EVC: variants seen among roughly 807,000 people sequenced by gnomAD.
EVC encodes evC complex member EVC.
EVC carries 116 observed loss-of-function variants against 118.9 expected under a neutral mutation model. The observed-to-expected ratio is 0.98, with a 90% confidence interval of 0.84 to 1.14. The LOEUF (loss-of-function observed/expected upper bound fraction) is 1.14, where lower values mean the gene tolerates loss of function less well. Ranked by LOEUF, EVC falls within the 50% of genes most tolerant of loss-of-function variation. The probability of loss-of-function intolerance (pLI) is 0.00; values close to 1 mark genes in which losing one functional copy is unlikely to be tolerated. For synonymous variants in EVC, 619 were observed against 534.7 expected, an observed-to-expected ratio of 1.16 and a Z score of -2.18; for missense variants, 1,401 against 1,246.4, an observed-to-expected ratio of 1.12 and a Z score of -1.87.
chr4:5,809,584 CTG>C lies in EVC; in HGVS notation c.2757_2758del (p.Leu920AlafsTer3). 2 of 1,614,222 alleles carry C rather than the reference CTG, an allele frequency of 1.2e-6. No homozygotes were observed. Among genetic ancestry groups the C allele is most frequent in the Non-Finnish European group, 1.7e-6 (2 of 1,180,048 alleles). ...CCGAGTGCCCCTTGCTGAAAGCAAA[CTG>C]TTGCCTGCTAAGCGTGGGCTGCTAG... ...LARVPLAESK[L>X]LPAKRGLLEK... On this transcript the variant is annotated frameshift_variant, in exon 19 of 21. Coordinates refer to ENST00000264956, the MANE Select transcript of EVC (RefSeq NM_153717.3). LOFTEE classifies it high-confidence loss of function.
chr4:5,816,020 C>T (rs553680489), downstream of EVC, among the ~76,000 whole-genome samples: 18 of 152,224 alleles, frequency 1.2e-4, no homozygotes, highest in South Asian at 1.0e-3. Context: ...CTATTTTCCC[C>T]CCATGGCTTA....
intron 5 of EVC, among the ~76,000 whole-genome samples, chr4:5,734,738 C>T (rs932583376): frequency 2.6e-5 from 4 of 152,200 alleles, no homozygotes; most frequent in Admixed American, 6.5e-5. Context: ...TGACTGGCCT[C>T]ATAAACGGGT....
At chr4:5,722,452 T>C (rs893249545) in intron 2 of EVC, among the ~76,000 whole-genome samples, 1 of 152,218 alleles carries the variant, frequency 6.6e-6, no homozygotes, top group Non-Finnish European at 1.5e-5. Context: ...TGTCAAAATA[T>C]GTGGTCAGGG....
intron 5 of EVC, among the ~76,000 whole-genome samples, chr4:5,739,650 T>C (rs374718792): frequency 2.2e-4 from 34 of 152,356 alleles, no homozygotes; most frequent in African/African-American, 7.9e-4. Flanking sequence ...TGTATGCCTG[T>C]GTGGCATATG....
chr4:5,815,167 G>T (rs1005993942), downstream of EVC, among the ~76,000 whole-genome samples: 1 of 152,208 alleles, frequency 6.6e-6, no homozygotes, highest in South Asian at 2.1e-4. Flanking sequence ...ATTGTAAACT[G>T]TAAGGAATGT....
At chr4:5,801,862 GGGCATGGGGA>G in intron 15 of EVC, 78 bp from the exon 16 acceptor site, 1 of 1,469,036 alleles carries the variant, frequency 6.8e-7, no homozygotes, top group Non-Finnish European at 9.4e-7. Context: ...ATCTGAACCA[GGGCATGGGGA>G]GGCAGGGACT....
At chr4:5,801,477 G>C (rs1227031595) in intron 15 of EVC, among the ~76,000 whole-genome samples, 1 of 152,116 alleles carries the variant, frequency 6.6e-6, no homozygotes, top group East Asian at 1.9e-4. Flanking sequence ...TCAGGAGTTT[G>C]AGACCAGCCT....
At chr4:5,740,572 C>G (rs1327672913) in intron 5 of EVC, among the ~76,000 whole-genome samples, 1 of 151,552 alleles carries the variant, frequency 6.6e-6, no homozygotes, top group Non-Finnish European at 1.5e-5. Context: ...GCATGACACA[C>G]AGAAGGAAAA....
chr4:5,781,958 G>C (rs188201316), intron 11 of EVC, among the ~76,000 whole-genome samples: 97 of 152,320 alleles, frequency 6.4e-4, no homozygotes, highest in African/African-American at 2.0e-3. Context: ...CTGTAAACTG[G>C]AGAGAGGGTC....
chr4:5,727,516 G>A (rs962493304), intron 2 of EVC, among the ~76,000 whole-genome samples: 1 of 152,090 alleles, frequency 6.6e-6, no homozygotes, highest in African/African-American at 2.4e-5. Flanking sequence ...CTCCCATTTT[G>A]TAGGTTGCCT....
intron 13 of EVC, among the ~76,000 whole-genome samples, chr4:5,794,388 T>TA (rs1713523587): frequency 7.2e-6 from 1 of 138,394 alleles, no homozygotes; most frequent in African/African-American, 2.6e-5. Flanking sequence ...TATATATATA[T>TA]TTTTTATATA....
rs369907671 is a variant in EVC, at chr4:5,719,229, C to T, written c.175-19C>T. ...GTTGTGTTTCTATCCACCCCCAACT[C>T]CTGACCTTCGGGTTTTAGAAAGACG... On this transcript the variant is annotated intron_variant, in intron 1 of 20. Transcript: ENST00000264956. This position sits in a 1 kb window ranked among gnomAD's most constrained non-coding sequence, Gnocchi z 4.7. 14 of 1,613,990 alleles carry T rather than the reference C, an allele frequency of 8.7e-6. No homozygotes were observed. In the African/African-American group the frequency reaches 1.9e-4, roughly 22 times the overall value.
At chr4:5,714,850 G>C (rs1421633490) in intron 1 of EVC, among the ~76,000 whole-genome samples, 5 of 152,012 alleles carry the variant, frequency 3.3e-5, no homozygotes, top group African/African-American at 9.7e-5. Flanking sequence ...GATTGCCCAG[G>C]CTGGAGTTCA....
chr4:5,752,001 C>CA (rs1164298170), intron 8 of EVC, among the ~76,000 whole-genome samples: 1 of 152,164 alleles, frequency 6.6e-6, no homozygotes, highest in Non-Finnish European at 1.5e-5. Context: ...ACAGAACCAT[C>CA]AGCATCTCTG....
intron 11 of EVC, among the ~76,000 whole-genome samples, chr4:5,771,988 C>T (rs1035050577): frequency 6.6e-6 from 1 of 152,028 alleles, no homozygotes; most frequent in East Asian, 1.9e-4. Context: ...AGCTCCATCT[C>T]CCAGGTTCAC....
At chr4:5,808,935 C>T (rs115867635) in intron 18 of EVC, among the ~76,000 whole-genome samples, 1,633 of 152,230 alleles carry the variant, frequency 0.011, 33 homozygotes, top group African/African-American at 0.037. Context: ...CGATGGCAGT[C>T]GCAGAGTGAC....
At chr4:5,821,832 G>C in the EVC span, 3 of 1,608,834 alleles carry the variant, frequency 1.9e-6, no homozygotes, top group Non-Finnish European at 2.5e-6. This position sits in a 1 kb window ranked among gnomAD's most constrained non-coding sequence, Gnocchi z 4.4. Context: ...GCCTGGGATT[G>C]TTGTCATCTA....
In EVC at chr4:5,746,404, G is replaced by A. The variant is rs185672595; in HGVS notation, c.939+1063G>A. On this transcript the variant is annotated intron_variant, in intron 7 of 20. Coordinates refer to ENST00000264956, the MANE Select transcript of EVC (RefSeq NM_153717.3). This position sits in a 1 kb window ranked among gnomAD's most constrained non-coding sequence, Gnocchi z 5.8. ...ATGGGGCGGCAGGTGGGGAGGAGGA[G>A]GGGGTCCAGGGTCAGTGCTGCTGAA... is the stretch of plus-strand genomic sequence containing the variant. Among the ~76,000 whole-genome samples the A allele has an allele frequency of 2.2e-3, 332 of 152,302 alleles. No homozygotes were observed. The highest frequency in any genetic ancestry group is 7.7e-3 in the African/African-American group (321 of 41,554).
chr4:5,808,409 G>C, intron 18 of EVC, 82 bp downstream of exon 18: 1 of 1,594,206 alleles, frequency 6.3e-7, no homozygotes, highest in Middle Eastern at 1.7e-4. Flanking sequence ...GTGACCACAC[G>C]TCAGCCATGG....
Sources: allele counts gnomAD v4.1 joint callset (sites outside exome capture counted in the v4.1 genomes callset), GRCh38; gene constraint gnomAD v4.1.1; non-coding constraint Gnocchi (gnomAD v3.1); transcripts MANE v1.5; gene names NCBI Gene and HGNC (gene_info 2026-07-23, HGNC 2026-07-21).